The following CD109 variants were observed in gnomAD, a reference collection of about 807,000 sequenced individuals.
The protein encoded by CD109 is CD109 molecule, also known as CD109 antigen.
CD109 carries 149 observed loss-of-function variants against 165.8 expected under a neutral mutation model. That is an observed-to-expected ratio of 0.90 (90% CI 0.79 to 1.03). The LOEUF (loss-of-function observed/expected upper bound fraction) is 1.03. Among genes scored for constraint, CD109 ranks in the 50% least tolerant of loss-of-function variants. The pLI, the probability that CD109 is intolerant of heterozygous loss-of-function variation, is 0.00. For missense variants in CD109, 1,712 were observed against 1,677.8 expected, an observed-to-expected ratio of 1.02 and a Z score of -0.36; for synonymous variants, 585 against 592.1, an observed-to-expected ratio of 0.99 and a Z score of 0.18.
At chr6:73,729,038 G>A (rs1484468123) in intron 3 of CD109, among the ~76,000 whole-genome samples, 2 of 152,190 alleles carry the variant, frequency 1.3e-5, no homozygotes, top group African/African-American at 4.8e-5. Context: ...ATTCTGTGAG[G>A]CAGCTCATTC....
In CD109 at chr6:73,725,594, C is replaced by T. The variant is rs189058752; in HGVS notation, c.276+2315C>T. Among the ~76,000 whole-genome samples the T allele has an allele frequency of 1.6e-3, 235 of 144,850 alleles. 1 individual carries two copies. The highest frequency in any genetic ancestry group is 5.4e-3 in the African/African-American group (211 of 38,740). The stretch of plus-strand genomic sequence containing the variant: ...CGCGATCTCGGCTCACTGCAACCTC[C>T]GTTTCCCGGATTCAAGAGATTCTCC... On this transcript the variant is annotated intron_variant, in intron 3 of 32. Transcript: ENST00000287097.
At chr6:73,745,087 A>G (rs775169338) in intron 5 of CD109, among the ~76,000 whole-genome samples, 2 of 152,168 alleles carry the variant, frequency 1.3e-5, no homozygotes, top group African/African-American at 4.8e-5. Flanking sequence ...TAATATGTGC[A>G]GCAATTGCTG....
In CD109 at chr6:73,736,531, G is replaced by T. The variant is rs1772553105; in HGVS notation, c.633+23G>T. The T allele has an allele frequency of 2.5e-6, 4 of 1,596,974 alleles. 1 individual carries two copies. The highest frequency in any genetic ancestry group is 2.3e-5 in the South Asian group (2 of 88,472). On this transcript the variant is annotated intron_variant, in intron 5 of 32. Coordinates refer to ENST00000287097, the MANE Select transcript of CD109 (RefSeq NM_133493.5). Reference sequence around the variant, plus strand: ...AATGTGAGTATAAATATATTTTTTGGGGGGAATGTTAAAGTGATTTAATTA... The same window carrying T: ...AATGTGAGTATAAATATATTTTTTGTGGGGAATGTTAAAGTGATTTAATTA...
At position 73,741,294 on chromosome 6, in the gene CD109, C is replaced by T. The variant is rs986179723; in HGVS notation, c.633+4786C>T. Among the ~76,000 whole-genome samples, 12 of 152,290 alleles carry T rather than the reference C, an allele frequency of 7.9e-5. No homozygotes were observed. The South Asian group carries it at 1.9e-3, about 24-fold the overall frequency. ...TGCTACTTTGGGGATTGTACTTCTTCTCTTGAGAATGTGACCAAGTCTTCT... is the reference window on the plus strand; with the variant it reads ...TGCTACTTTGGGGATTGTACTTCTTTTCTTGAGAATGTGACCAAGTCTTCT... On this transcript the variant is annotated intron_variant, in intron 5 of 32. Coordinates refer to ENST00000287097, the MANE Select transcript of CD109 (RefSeq NM_133493.5).
chr6:73,785,472 A>T lies in CD109; in HGVS notation c.2332A>T (p.Thr778Ser), dbSNP rs1334782438. ...TATATTCAATTATTTGAAAGATGCC[A>T]CTGAGGTAATGTATTCAAGCTTTTG... ...ITIFNYLKDA[T>S]EVKVIIEKSD... Residue 778 changes from threonine (T) to serine (S), a missense_variant, in exon 20 of 33, where the codon ACT becomes TCT. Thr to Ser is a moderately conservative substitution (Grantham distance 58). Coordinates refer to ENST00000287097, the MANE Select transcript of CD109 (RefSeq NM_133493.5). 3 of 1,520,918 alleles carry T rather than the reference A, an allele frequency of 2.0e-6. No individual in the cohort carries two copies. The highest frequency in any genetic ancestry group is 2.7e-6 in the Non-Finnish European group (3 of 1,101,774). 94.2% of individuals were successfully genotyped at this position (1,520,918 alleles called of 1,614,324 possible). A position where few individuals can be genotyped will look rare whatever the true frequency, so the allele number is the denominator to read the frequency against.
At chr6:73,750,992 T>C (rs1773169553) in intron 5 of CD109, among the ~76,000 whole-genome samples, 1 of 152,126 alleles carries the variant, frequency 6.6e-6, no homozygotes, top group African/African-American at 2.4e-5. Flanking sequence ...ATGTCCAGTC[T>C]AATAAAATAA....
chr6:73,770,009 G>T (rs1773979223), intron 14 of CD109, among the ~76,000 whole-genome samples: 3 of 152,204 alleles, frequency 2.0e-5, no homozygotes, highest in African/African-American at 7.2e-5. Context: ...TTAAGCACTG[G>T]GGTGAACTCA....
At chr6:73,691,682 C>T (rs1266429678), upstream of CD109, among the ~76,000 whole-genome samples, 1 of 152,152 alleles carries the variant, frequency 6.6e-6, no homozygotes, top group Non-Finnish European at 1.5e-5. Flanking sequence ...CCCTGGCTGA[C>T]TCATAGTTAT....
chr6:73,690,679 C>T, the CD109 span, among the ~76,000 whole-genome samples: 6 of 152,260 alleles, frequency 3.9e-5, no homozygotes, highest in Non-Finnish European at 5.9e-5. Flanking sequence ...GGATTACAGG[C>T]GTGAGCCACC....
At chr6:73,818,242 T>C in intron 30 of CD109, 146 bp from the exon 31 acceptor site, 1 of 765,536 alleles carries the variant, frequency 1.3e-6, no homozygotes, top group Non-Finnish European at 2.1e-6. Flanking sequence ...ATAACCTGTT[T>C]TAAAATTCTC....
At chr6:73,726,407 A>G (rs1772145200) in intron 3 of CD109, among the ~76,000 whole-genome samples, 1 of 152,196 alleles carries the variant, frequency 6.6e-6, no homozygotes, top group African/African-American at 2.4e-5. Context: ...GTTTTATTTG[A>G]TTAGAAATGT....
chr6:73,681,667 A>G, the CD109 span, among the ~76,000 whole-genome samples: 2 of 151,846 alleles, frequency 1.3e-5, no homozygotes, highest in African/African-American at 4.8e-5. Context: ...CAATGGTACA[A>G]TCTGGGCTCA....
upstream of CD109, among the ~76,000 whole-genome samples, chr6:73,691,499 C>T (rs1770692942): frequency 6.6e-6 from 1 of 152,224 alleles, no homozygotes; most frequent in African/African-American, 2.4e-5. Context: ...CTCAGAGGCT[C>T]TCTTCCTTCA....
chr6:73,733,174 T>C (rs189533505), intron 4 of CD109, among the ~76,000 whole-genome samples: 2 of 152,316 alleles, frequency 1.3e-5, no homozygotes, highest in Admixed American at 1.3e-4. Flanking sequence ...TGTGGAATAA[T>C]TGGTGTCTTG....
chr6:73,697,701 C>A (rs896263325), intron 2 of CD109, 129 bp downstream of exon 2: 1 of 674,968 alleles, frequency 1.5e-6, no homozygotes, highest in Non-Finnish European at 2.4e-6. Flanking sequence ...ACTTTTAATT[C>A]TCACTCATGT....
In CD109 at chr6:73,787,434, C is replaced by T; in HGVS notation, c.2538C>T (p.Thr846=). 6.2e-7 allele frequency: 1 copy of T among 1,610,772 alleles called. No individual in the cohort carries two copies. Among genetic ancestry groups the T allele is most frequent in the Non-Finnish European group, 8.5e-7 (1 of 1,177,618 alleles). Residue 846 remains threonine (T), a synonymous_variant, in exon 21 of 33, where the codon ACC becomes ACT. Transcript: ENST00000287097. ...ALSPTASDAV[T]QMILVKAEGI... ...CACCCACTGCTTCTGATGCTGTCAC[C>T]CAGATGATTTTAGTAAAGGTAAATA...
intron 2 of CD109, among the ~76,000 whole-genome samples, chr6:73,722,657 T>G (rs1240831806): frequency 6.6e-6 from 1 of 152,238 alleles, no homozygotes; most frequent in Non-Finnish European, 1.5e-5. Flanking sequence ...CGATAGGAAC[T>G]TTGGACAAGT....
rs968135944 is a variant in CD109 at position 73,826,784 on chromosome 6, A to G, written c.*3151A>G. ...TTACATATGTAATACTGTATCCTGC[A>G]CGTGGAAATATTCAGAATTGTAGAT... On this transcript the variant is annotated 3_prime_UTR_variant, in exon 33 of 33. Transcript: ENST00000287097. 1 of 151,944 alleles carries G rather than the reference A, an allele frequency of 6.6e-6. No individual in the cohort carries two copies. Among genetic ancestry groups the G allele is most frequent in the East Asian group, 1.9e-4 (1 of 5,198 alleles). 9.4% of individuals were successfully genotyped at this position (151,944 alleles called of 1,614,324 possible).
At chr6:73,777,401 TC>T (rs1774292212) in intron 15 of CD109, among the ~76,000 whole-genome samples, 1 of 127,616 alleles carries the variant, frequency 7.8e-6, no homozygotes, top group South Asian at 2.6e-4. Flanking sequence ...GTTGATAGTT[TC>T]TTTCACTGTG....
Sources: allele counts gnomAD v4.1 joint callset (sites outside exome capture counted in the v4.1 genomes callset), GRCh38; gene constraint gnomAD v4.1.1; transcripts MANE v1.5; gene names NCBI Gene and HGNC (gene_info 2026-07-23, HGNC 2026-07-21).